Variants in ANKRD44 observed in about 807,000 individuals in gnomAD.
ANKRD44 encodes the protein serine/threonine-protein phosphatase 6 regulatory ankyrin repeat subunit B.
Under a neutral mutation model 116.0 loss-of-function variants are expected in ANKRD44, and 35 were observed. The observed-to-expected ratio is 0.30, with a 90% CI of 0.23 to 0.40. The LOEUF (loss-of-function observed/expected upper bound fraction) is 0.40, where lower values mean the gene tolerates loss of function less well. Ranked by LOEUF, ANKRD44 falls within the 10% of genes least tolerant of loss-of-function variation. The pLI is 1.00. For missense variants in ANKRD44, 1,014 were observed against 1,242.6 expected (o/e 0.82, Z 2.77); for synonymous variants, 435 against 461.8 (o/e 0.94, Z 0.74).
chr2:196,994,205 CA>C (rs796655800), intron 26 of ANKRD44, among the ~76,000 whole-genome samples: 3 of 151,968 alleles, frequency 2.0e-5, no homozygotes, highest in African/African-American at 7.2e-5. Flanking sequence ...TTTTTTGAGA[CA>C]GGGTCTCACT....
At chr2:197,279,556 C>T (rs2083204790) in intron 1 of ANKRD44, among the ~76,000 whole-genome samples, 2 of 152,198 alleles carry the variant, frequency 1.3e-5, no homozygotes, top group South Asian at 4.1e-4. Context: ...CATACACACC[C>T]TCTGCTCCAG....
chr2:197,236,784 T>C (rs1359987281), intron 1 of ANKRD44, among the ~76,000 whole-genome samples: 1 of 150,960 alleles, frequency 6.6e-6, no homozygotes, highest in Non-Finnish European at 1.5e-5. Flanking sequence ...CAGTAGCTAC[T>C]GAGAAAAAGA....
At chr2:197,255,318 C>T (rs986388970) in intron 1 of ANKRD44, among the ~76,000 whole-genome samples, 2 of 152,128 alleles carry the variant, frequency 1.3e-5, no homozygotes, top group African/African-American at 4.8e-5. Context: ...CCTGAGTAGT[C>T]ACCTCAGCAT....
intron 1 of ANKRD44, among the ~76,000 whole-genome samples, chr2:197,260,210 A>G: frequency 7.0e-6 from 1 of 143,322 alleles, no homozygotes; most frequent in African/African-American, 2.4e-5. Context: ...CATTAGGTAT[A>G]TCTCCTAATG....
Position 196,987,039 on chromosome 2 carries a change from A to G in ANKRD44, c.*2552T>C. 1 of 985,268 alleles carries G rather than the reference A, an allele frequency of 1.0e-6. No individual in the cohort carries two copies. The highest frequency in any genetic ancestry group is 1.7e-5 in the African/African-American group (1 of 57,374). The allele number at this position is 985,268 out of a possible 1,614,324, so 61.0% of individuals were successfully genotyped here. A position where few individuals can be genotyped will look rare whatever the true frequency, so the allele number is the denominator to read the frequency against. On this transcript the variant is annotated 3_prime_UTR_variant, in exon 28 of 28. Coordinates refer to ENST00000282272, the MANE Select transcript of ANKRD44 (RefSeq NM_001195144.2). The stretch of plus-strand genomic sequence containing the variant: ...ATATATTGCACATGCTAGAGCATAA[A>G]ATATGTAGACAAAACTACCAAATAA...
intron 1 of ANKRD44, among the ~76,000 whole-genome samples, chr2:197,292,269 GAACT>G (rs1459914920): frequency 1.3e-5 from 2 of 152,166 alleles, no homozygotes; most frequent in Non-Finnish European, 2.9e-5. Context: ...CACAATGGTT[GAACT>G]AACTTACACT....
intron 3 of ANKRD44, among the ~76,000 whole-genome samples, chr2:197,145,858 C>G (rs978272475): frequency 6.6e-6 from 1 of 152,162 alleles, no homozygotes; most frequent in Non-Finnish European, 1.5e-5. Context: ...CGAAAACTTA[C>G]TATAGGCCTT....
rs1357871719 is a variant in ANKRD44 at position 197,212,680 on chromosome 2, C to T, written c.28-25574G>A. ...GCAGGCTCTCACAGAAGAACTTCTA[C>T]ATGAGTAAAAATTCTGCATCACAGC... On this transcript the variant is annotated intron_variant, in intron 1 of 27. Transcript: ENST00000282272. The surrounding 1 kb of genome is among the most constrained non-coding windows in gnomAD (Gnocchi z 4.8). Among the ~76,000 whole-genome samples, 1 of 152,198 alleles carries T rather than the reference C, an allele frequency of 6.6e-6. No individual in the cohort carries two copies. Among genetic ancestry groups the T allele is most frequent in the Admixed American group, 6.5e-5 (1 of 15,278 alleles).
chr2:197,049,984 T>A (rs895289308), intron 16 of ANKRD44, among the ~76,000 whole-genome samples: 1 of 152,154 alleles, frequency 6.6e-6, no homozygotes, highest in Non-Finnish European at 1.5e-5. Context: ...TAAGACTGGG[T>A]AATTTATAAA....
At position 197,110,709 on chromosome 2, in the gene ANKRD44, C is replaced by A. The variant is rs928965284; in HGVS notation, c.985+57G>T. On this transcript the variant is annotated intron_variant, in intron 9 of 27. Coordinates refer to ENST00000282272, the MANE Select transcript of ANKRD44 (RefSeq NM_001195144.2). ...ACTTTCATATGCAGGTGACTGACAGCCAAATTCACAACAAGAAACTATCGA... is the reference window on the plus strand; with the variant it reads ...ACTTTCATATGCAGGTGACTGACAGACAAATTCACAACAAGAAACTATCGA... 2.7e-5 allele frequency: 40 copies of A among 1,474,020 alleles called. No individual in the cohort carries two copies. The East Asian group carries it at 9.1e-4, about 33-fold the overall frequency. The allele number at this position is 1,474,020 out of a possible 1,614,324, so 91.3% of individuals were successfully genotyped here.
intron 20 of ANKRD44, among the ~76,000 whole-genome samples, chr2:197,006,288 AC>A (rs2076201268): frequency 6.6e-6 from 1 of 152,046 alleles, no homozygotes; most frequent in Non-Finnish European, 1.5e-5. Context: ...TAAAAAAAAT[AC>A]GAAAAATTAG....
At chr2:197,064,281 T>A (rs1281383458) in intron 16 of ANKRD44, among the ~76,000 whole-genome samples, 1 of 152,270 alleles carries the variant, frequency 6.6e-6, no homozygotes, top group East Asian at 1.9e-4. Context: ...AGGCCTGCCC[T>A]ACAAGAGCTC....
At chr2:197,000,176 T>C (rs2076089220) in intron 23 of ANKRD44, among the ~76,000 whole-genome samples, 1 of 152,154 alleles carries the variant, frequency 6.6e-6, no homozygotes. Context: ...TAGATATGCA[T>C]AAAAATATTT....
chr2:197,019,091 T>C (rs16860652), intron 17 of ANKRD44, among the ~76,000 whole-genome samples: 6,226 of 152,202 alleles, frequency 0.041, 403 homozygotes, highest in African/African-American at 0.14. Flanking sequence ...AGAGACAAAA[T>C]AATGGTGACA....
chr2:197,252,555 C>T (rs975859352), intron 1 of ANKRD44, among the ~76,000 whole-genome samples: 3 of 152,204 alleles, frequency 2.0e-5, no homozygotes, highest in African/African-American at 7.2e-5. Context: ...TACAGGCGCC[C>T]GCCACCACGC....
At chr2:197,044,340 G>A (rs1264032836) in intron 16 of ANKRD44, among the ~76,000 whole-genome samples, 1 of 152,092 alleles carries the variant, frequency 6.6e-6, no homozygotes, top group Non-Finnish European at 1.5e-5. Flanking sequence ...CCTCAGAAGG[G>A]TGCCTGGCAT....
chr2:197,184,579 G>T (rs976824694), intron 2 of ANKRD44, among the ~76,000 whole-genome samples: 4 of 147,404 alleles, frequency 2.7e-5, no homozygotes, highest in Non-Finnish European at 5.9e-5. Flanking sequence ...GATGGTGGTT[G>T]CAGTGAGCCG....
chr2:196,993,405 T>C (rs1036542), intron 27 of ANKRD44, among the ~76,000 whole-genome samples, 178 bp downstream of exon 27: 101,699 of 152,220 alleles, frequency 0.67, 37,691 homozygotes, highest in East Asian at 0.96. Flanking sequence ...GTAGACTATG[T>C]GATTTACAAA....
intron 18 of ANKRD44, among the ~76,000 whole-genome samples, chr2:197,011,025 C>T (rs1164598570): frequency 6.6e-6 from 1 of 152,138 alleles, no homozygotes; most frequent in African/African-American, 2.4e-5. Context: ...CAGCAACATT[C>T]CATTTATGTA....
Sources: allele counts gnomAD v4.1 joint callset (sites outside exome capture counted in the v4.1 genomes callset), GRCh38; gene constraint gnomAD v4.1.1; non-coding constraint Gnocchi (gnomAD v3.1); transcripts MANE v1.5; gene names NCBI Gene and HGNC (gene_info 2026-07-23, HGNC 2026-07-21).